The following SINHCAF variants were observed in gnomAD, a reference collection of about 807,000 sequenced individuals.
SINHCAF encodes SIN3-HDAC complex associated factor.
Under a neutral mutation model 25.8 loss-of-function variants are expected in SINHCAF, and 3 were observed. That is an observed-to-expected ratio of 0.12 (90% CI 0.05 to 0.30). The LOEUF (loss-of-function observed/expected upper bound fraction) is 0.30. Among genes scored for constraint, SINHCAF ranks in the 10% least tolerant of loss-of-function variants. The pLI, the probability that SINHCAF is intolerant of heterozygous loss-of-function variation, is 1.00. For missense variants in SINHCAF, 121 were observed against 262.3 expected (o/e 0.46, Z 3.72); for synonymous variants, 70 against 85.5 (o/e 0.82, Z 1.00).
intron 4 of SINHCAF, among the ~76,000 whole-genome samples, chr12:31,290,049 A>G (rs1938242166): frequency 6.6e-6 from 1 of 152,064 alleles, no homozygotes; most frequent in Non-Finnish European, 1.5e-5. Context: ...ACTGGTCTGG[A>G]GCTCCTAGCC....
chr12:31,299,313 G>GA (rs568890328), intron 1 of SINHCAF, among the ~76,000 whole-genome samples: 4 of 149,126 alleles, frequency 2.7e-5, no homozygotes, highest in South Asian at 2.1e-4. Flanking sequence ...AACAATAAAA[G>GA]AAAAAAATTT....
intron 1 of SINHCAF, among the ~76,000 whole-genome samples, chr12:31,320,698 T>C (rs1021443794): frequency 8.5e-5 from 13 of 152,206 alleles, no homozygotes; most frequent in Admixed American, 3.9e-4. Context: ...CTATTGATCA[T>C]AGAAATATTT....
At chr12:31,309,502 G>A (rs866263634) in intron 1 of SINHCAF, among the ~76,000 whole-genome samples, 1 of 152,152 alleles carries the variant, frequency 6.6e-6, no homozygotes, top group African/African-American at 2.4e-5. Flanking sequence ...GACCACAGCA[G>A]GTAAGAAATA....
At chr12:31,316,085 G>T (rs549133088) in intron 1 of SINHCAF, among the ~76,000 whole-genome samples, 1 of 152,170 alleles carries the variant, frequency 6.6e-6, no homozygotes, top group Admixed American at 6.5e-5. Flanking sequence ...CAGCAGAATT[G>T]CTTGAACCCG....
chr12:31,297,971 G>A, intron 2 of SINHCAF, 106 bp downstream of exon 2: 1 of 1,150,418 alleles, frequency 8.7e-7, no homozygotes, highest in Non-Finnish European at 1.3e-6. Flanking sequence ...TAGAATAAGT[G>A]ATTTTTATTA....
chr12:31,324,686 G>T lies in SINHCAF; in HGVS notation c.-21+1338C>A. 1 of 327,436 alleles carries T rather than the reference G, an allele frequency of 3.1e-6. No homozygotes were observed. Among genetic ancestry groups the T allele is most frequent in the South Asian group, 2.3e-5 (1 of 42,694 alleles). 20.3% of individuals were successfully genotyped at this position (327,436 alleles called of 1,614,324 possible). On this transcript the variant is annotated intron_variant, in intron 1 of 5. Coordinates refer to ENST00000337682, the MANE Select transcript of SINHCAF (RefSeq NM_001135812.2). This position sits in a 1 kb window ranked among gnomAD's most constrained non-coding sequence, Gnocchi z 5.5. ...CTGTCCAGCCGGGCGCTGCCTACGT[G>T]CAGCATCAGGGATGTCGGAGCGTTT...
intron 1 of SINHCAF, among the ~76,000 whole-genome samples, chr12:31,311,279 T>C (rs1218767422): frequency 1.3e-5 from 2 of 152,184 alleles, no homozygotes; most frequent in Non-Finnish European, 2.9e-5. Flanking sequence ...AGGAACAAGA[T>C]CTGTTAGGGG....
chr12:31,306,714 C>A (rs563816233), intron 1 of SINHCAF, among the ~76,000 whole-genome samples: 1 of 152,288 alleles, frequency 6.6e-6, no homozygotes, highest in African/African-American at 2.4e-5. Context: ...TTATAATTGC[C>A]AAAAGCGAGA....
chr12:31,297,954 C>A, intron 2 of SINHCAF, 123 bp downstream of exon 2: 1 of 1,015,106 alleles, frequency 9.9e-7, no homozygotes. Context: ...ACTTACACAG[C>A]CTAAATTAGA....
At chr12:31,291,511 C>T (rs1006286221) in intron 4 of SINHCAF, among the ~76,000 whole-genome samples, 4 of 152,140 alleles carry the variant, frequency 2.6e-5, no homozygotes, top group Non-Finnish European at 4.4e-5. Context: ...CGCCTGAAAT[C>T]CCAGGACTTT....
intron 1 of SINHCAF, among the ~76,000 whole-genome samples, chr12:31,307,380 C>T (rs901511939): frequency 6.6e-6 from 1 of 152,188 alleles, no homozygotes; most frequent in African/African-American, 2.4e-5. Context: ...ACATGGTAAG[C>T]CCTGTCTCTA....
At chr12:31,294,426 GA>G (rs1265378403) in intron 3 of SINHCAF, among the ~76,000 whole-genome samples, 2 of 152,166 alleles carry the variant, frequency 1.3e-5, no homozygotes, top group African/African-American at 2.4e-5. Flanking sequence ...GAGGGGTGGA[GA>G]GGGGAGAAGA....
chr12:31,295,837 A>T (rs927496617), intron 2 of SINHCAF, among the ~76,000 whole-genome samples: 10 of 151,728 alleles, frequency 6.6e-5, no homozygotes, highest in Non-Finnish European at 1.2e-4. Flanking sequence ...GTACCACTGC[A>T]CTCCAGCCTG....
At position 31,282,725 on chromosome 12, in the gene SINHCAF, G is replaced by C; in HGVS notation, c.653C>G (p.Thr218Ser). ...EQGPEPLPIS[T>S]QEW ...TAAAAACCTCAGTCACCACTCCTGA[G>C]TGGAGATGGGCAGAGGCTCTGGCCC... is the stretch of plus-strand genomic sequence containing the variant. Residue 218 changes from threonine (T) to serine (S), a missense_variant, in exon 6 of 6, where the codon ACT becomes AGT. Coordinates refer to ENST00000337682, the MANE Select transcript of SINHCAF (RefSeq NM_001135812.2). 1 of 1,586,954 alleles carries C rather than the reference G, an allele frequency of 6.3e-7. No individual in the cohort carries two copies. The highest frequency in any genetic ancestry group is 8.5e-7 in the Non-Finnish European group (1 of 1,172,288).
chr12:31,283,542 G>T lies in SINHCAF; in HGVS notation c.507-671C>A, dbSNP rs566654768. Among the ~76,000 whole-genome samples the T allele has an allele frequency of 2.6e-5, 4 of 152,158 alleles. 1 individual carries two copies. In the East Asian group the frequency reaches 5.8e-4, roughly 22 times the overall value. ...CACTTGAACCCAGGAAGTGGAGGTT[G>T]CAGTGAGCCGAAATCACACCACTGC... On this transcript the variant is annotated intron_variant, in intron 5 of 5. Coordinates refer to ENST00000337682, the MANE Select transcript of SINHCAF (RefSeq NM_001135812.2).
chr12:31,304,056 G>C (rs1473556640), intron 1 of SINHCAF: 1 of 149,286 alleles, frequency 6.7e-6, no homozygotes, highest in African/African-American at 2.5e-5. Context: ...GGAGGTCAAG[G>C]CTGTAGTGAG....
At chr12:31,309,664 A>AT (rs869251301) in intron 1 of SINHCAF, among the ~76,000 whole-genome samples, 28,812 of 128,710 alleles carry the variant, frequency 0.22, 4,051 homozygotes, top group Non-Finnish European at 0.31. Flanking sequence ...TCAACTTGTG[A>AT]TTTTTTTTTT....
intron 1 of SINHCAF, among the ~76,000 whole-genome samples, chr12:31,313,423 A>G (rs1939361954): frequency 6.6e-6 from 1 of 152,168 alleles, no homozygotes; most frequent in East Asian, 1.9e-4. Flanking sequence ...ATATAATTGT[A>G]TATTATCCAC....
At chr12:31,322,463 T>G (rs997256160) in intron 1 of SINHCAF, among the ~76,000 whole-genome samples, 1 of 152,240 alleles carries the variant, frequency 6.6e-6, no homozygotes, top group African/African-American at 2.4e-5. Flanking sequence ...TTTCTTGACA[T>G]GCTCTTTCTA....
Sources: allele counts gnomAD v4.1 joint callset (sites outside exome capture counted in the v4.1 genomes callset), GRCh38; gene constraint gnomAD v4.1.1; non-coding constraint Gnocchi (gnomAD v3.1); transcripts MANE v1.5; gene names NCBI Gene and HGNC (gene_info 2026-07-23, HGNC 2026-07-21).